Variants in RERE observed in about 807,000 individuals in gnomAD.
The protein encoded by RERE is arginine-glutamic acid dipeptide repeats protein.
A neutral mutation model predicts 146.1 loss-of-function variants in RERE; 40 were observed. The ratio of observed to expected loss-of-function variants is 0.27; its 90% CI spans 0.21 to 0.36. The LOEUF (loss-of-function observed/expected upper bound fraction) is 0.36. RERE is among the 10% of genes least tolerant of loss of function. The probability of loss-of-function intolerance (pLI) is 1.00; values close to 1 mark genes in which losing one functional copy is unlikely to be tolerated. For synonymous variants in RERE, 1,003 were observed against 866.0 expected (o/e 1.16, Z -2.78); for missense variants, 1,933 against 2,138.7 (o/e 0.90, Z 1.90).
intron 4 of RERE, among the ~76,000 whole-genome samples, chr1:8,575,723 G>A (rs1486426044): frequency 1.3e-5 from 2 of 151,678 alleles, no homozygotes; most frequent in South Asian, 4.2e-4. Flanking sequence ...TAACTTTTGG[G>A]CCTTGTAAAC....
At chr1:8,810,030 G>C (rs1233661113) in intron 1 of RERE, among the ~76,000 whole-genome samples, 1 of 152,046 alleles carries the variant, frequency 6.6e-6, no homozygotes, top group Non-Finnish European at 1.5e-5. Context: ...GTTTGAGACA[G>C]AGTCTTGCTC....
chr1:8,684,197 A>G (rs907176709), intron 1 of RERE, among the ~76,000 whole-genome samples: 1 of 152,238 alleles, frequency 6.6e-6, no homozygotes, highest in African/African-American at 2.4e-5. Context: ...ATGCTAAAGC[A>G]GGACAAATTT....
rs6676423 is a variant in RERE at position 8,588,911 on chromosome 1, G to A, written c.522+25650C>T. 3.1e-3 allele frequency among the ~76,000 whole-genome samples: 476 copies of A among 152,270 alleles called. 2 individuals are homozygous for A. Among genetic ancestry groups the A allele is most frequent in the African/African-American group, 0.011 (454 of 41,542 alleles). Reference sequence around the variant, plus strand: ...AGCCAAGGCAGGCAGATCACTTGAGGTGAGGAGTTCAAGACCAGCCTGGCC... The same window carrying A: ...AGCCAAGGCAGGCAGATCACTTGAGATGAGGAGTTCAAGACCAGCCTGGCC... On this transcript the variant is annotated intron_variant, in intron 4 of 22. Coordinates refer to ENST00000400908, the MANE Select transcript of RERE (RefSeq NM_001042681.2).
At chr1:8,553,234 G>GAGACAC (rs1234910242) in intron 6 of RERE, among the ~76,000 whole-genome samples, 2 of 147,864 alleles carry the variant, frequency 1.4e-5, no homozygotes, top group Admixed American at 1.3e-4. Context: ...AGGCCAGCAT[G>GAGACAC]TCCACATGCA....
chr1:8,504,698 A>G (rs1047520202), intron 8 of RERE, among the ~76,000 whole-genome samples: 4 of 152,106 alleles, frequency 2.6e-5, no homozygotes, highest in Non-Finnish European at 5.9e-5. Flanking sequence ...CTAAAAATAC[A>G]AAAAAGTAGC....
chr1:8,413,146 C>A (rs958094343), intron 12 of RERE, among the ~76,000 whole-genome samples: 1 of 151,958 alleles, frequency 6.6e-6, no homozygotes, highest in African/African-American at 2.4e-5. Flanking sequence ...TCATTTTAAG[C>A]AAATAAAAAG....
chr1:8,693,401 A>G (rs1053442286), intron 1 of RERE, among the ~76,000 whole-genome samples: 4 of 152,246 alleles, frequency 2.6e-5, no homozygotes, highest in African/African-American at 9.6e-5. Context: ...ATGATGGAAT[A>G]TTATCAGTGA....
At chr1:8,746,680 C>G (rs1273503646) in intron 1 of RERE, among the ~76,000 whole-genome samples, 2 of 151,626 alleles carry the variant, frequency 1.3e-5, no homozygotes, top group African/African-American at 4.8e-5. Flanking sequence ...TGATCGTGGT[C>G]TGACTTACAT....
chr1:8,721,761 T>C (rs1209931867), intron 1 of RERE, among the ~76,000 whole-genome samples: 2 of 152,200 alleles, frequency 1.3e-5, no homozygotes, highest in African/African-American at 2.4e-5. Context: ...GGCAAAAATA[T>C]GTTCTCCTTT....
At chr1:8,771,565 A>AT (rs1486127948) in intron 1 of RERE, among the ~76,000 whole-genome samples, 6 of 150,210 alleles carry the variant, frequency 4.0e-5, no homozygotes, top group African/African-American at 1.2e-4. Flanking sequence ...TTTGCTAAAT[A>AT]TTTTTTTGCA....
At chr1:8,750,436 G>C in intron 1 of RERE, 1 of 812,796 alleles carries the variant, frequency 1.2e-6, no homozygotes, top group Non-Finnish European at 2.1e-6. Flanking sequence ...GAACCATGGA[G>C]GGTGTTGAAG....
At chr1:8,628,078 T>C (rs919963572) in intron 2 of RERE, among the ~76,000 whole-genome samples, 12 of 152,216 alleles carry the variant, frequency 7.9e-5, no homozygotes, top group African/African-American at 2.9e-4. Context: ...CACCTCTTTT[T>C]GTTTAAAAAA....
intron 2 of RERE, among the ~76,000 whole-genome samples, chr1:8,630,298 A>G (rs1647019934): frequency 6.6e-6 from 1 of 152,150 alleles, no homozygotes; most frequent in Non-Finnish European, 1.5e-5. Context: ...ACCATAAAAC[A>G]GCCAAACCCA....
intron 12 of RERE, among the ~76,000 whole-genome samples, chr1:8,403,926 G>A (rs1209311564): frequency 3.6e-5 from 5 of 138,996 alleles, no homozygotes; most frequent in Non-Finnish European, 6.1e-5. Context: ...CATCTCGCGG[G>A]TTTAAGTGAT....
chr1:8,578,718 T>C (rs1474693419), intron 4 of RERE, among the ~76,000 whole-genome samples: 1 of 152,136 alleles, frequency 6.6e-6, no homozygotes, highest in Non-Finnish European at 1.5e-5. Flanking sequence ...CAAGAACATC[T>C]CACTTAGGGG....
Position 8,805,008 on chromosome 1 carries a change from G to GTTTTTTTTTTTTTTTTTTTT in RERE, c.-145+12132_-145+12151dup, listed in dbSNP as rs1186832596. Among the ~76,000 whole-genome samples, 59 of 77,824 alleles carry GTTTTTTTTTTTTTTTTTTTT rather than the reference G, an allele frequency of 7.6e-4. 4 individuals are homozygous for GTTTTTTTTTTTTTTTTTTTT. The highest frequency in any genetic ancestry group is 9.6e-4 in the Non-Finnish European group (40 of 41,762). 51.1% of individuals were successfully genotyped at this position (77,824 alleles called of 152,430 possible). A position where few individuals can be genotyped will look rare whatever the true frequency, so the allele number is the denominator to read the frequency against. On this transcript the variant is annotated intron_variant, in intron 1 of 22. Coordinates refer to ENST00000400908, the MANE Select transcript of RERE (RefSeq NM_001042681.2). ...TTTTTTTTGTTTTGTTTTGTTTTTG[G>GTTTTTTTTTTTTTTTTTTTT]TTTTTTTTTTTTTTTTTTTTGAGAC...
At chr1:8,427,426 A>C (rs901902040) in intron 11 of RERE, among the ~76,000 whole-genome samples, 4 of 152,056 alleles carry the variant, frequency 2.6e-5, no homozygotes, top group African/African-American at 9.7e-5. Context: ...TTGGCTCTAA[A>C]TATCTTTCGA....
intron 10 of RERE, among the ~76,000 whole-genome samples, chr1:8,467,910 T>C (rs1470045198): frequency 1.3e-5 from 2 of 152,150 alleles, no homozygotes; most frequent in Non-Finnish European, 2.9e-5. Context: ...TCCCAAAGTA[T>C]TGGGATAACA....
chr1:8,617,343 CAA>C (rs58933208), intron 3 of RERE, among the ~76,000 whole-genome samples: 10 of 80,404 alleles, frequency 1.2e-4, no homozygotes, highest in Admixed American at 2.8e-4. Context: ...AACTCTGTCT[CAA>C]AAAAAAAAAA....
Sources: allele counts gnomAD v4.1 joint callset (sites outside exome capture counted in the v4.1 genomes callset), GRCh38; gene constraint gnomAD v4.1.1; transcripts MANE v1.5; gene names NCBI Gene and HGNC (gene_info 2026-07-23, HGNC 2026-07-21).